Variants in DTNA observed in about 807,000 individuals in gnomAD.
The protein encoded by DTNA is dystrobrevin alpha, also known as dystrophin-related protein 3.
In DTNA, 43 loss-of-function variants were observed where a neutral mutation model predicts 100.7. That is an observed-to-expected ratio of 0.43 (90% CI 0.33 to 0.55). The LOEUF (loss-of-function observed/expected upper bound fraction) is 0.55. Among genes scored for constraint, DTNA ranks in the 20% least tolerant of loss-of-function variants. DTNA has a pLI of 0.04. For missense variants in DTNA, 798 were observed against 953.9 expected (o/e 0.84, Z 2.15); for synonymous variants, 349 against 347.9 (o/e 1.00, Z -0.04).
At chr18:34,835,953 G>C (rs1245910572) in intron 11 of DTNA, among the ~76,000 whole-genome samples, 2 of 152,218 alleles carry the variant, frequency 1.3e-5, no homozygotes, top group Non-Finnish European at 2.9e-5. Flanking sequence ...AGATACTTTA[G>C]TTTGGAGGGA....
chr18:34,779,081 C>A (rs1429088335), intron 3 of DTNA, among the ~76,000 whole-genome samples: 1 of 152,076 alleles, frequency 6.6e-6, no homozygotes, highest in Non-Finnish European at 1.5e-5. Flanking sequence ...GATCACCCTC[C>A]ATGTGCCAGG....
In DTNA at chr18:34,666,856, G is replaced by A. The variant is rs534276649; in HGVS notation, c.-1-89120G>A. Among the ~76,000 whole-genome samples, 3 of 152,280 alleles carry A rather than the reference G, an allele frequency of 2.0e-5. No individual in the cohort carries two copies. The South Asian group carries it at 6.2e-4, about 32-fold the overall frequency. ...GGTATAGTGTGAAGTCAGGTAGTGT[G>A]ATGCCTCCAGCTTTGTTCTTTTGGC... On this transcript the variant is annotated intron_variant, in intron 1 of 19. Coordinates refer to the DTNA transcript ENST00000283365.
chr18:34,820,761 T>G (rs1281899544), intron 8 of DTNA, 30 bp from the exon 9 acceptor site: 1 of 1,613,922 alleles, frequency 6.2e-7, no homozygotes, highest in Non-Finnish European at 8.5e-7. Context: ...TATTAGCTGT[T>G]GTCACTTCTG....
At chr18:34,829,187 C>T (rs1386694978) in intron 10 of DTNA, 1 of 1,597,946 alleles carries the variant, frequency 6.3e-7, no homozygotes, top group African/African-American at 1.3e-5. Context: ...CCCTTTTTTC[C>T]CATTTTCAGT....
intron 1 of DTNA, among the ~76,000 whole-genome samples, chr18:34,626,121 G>C (rs904997614): frequency 6.6e-6 from 1 of 152,132 alleles, no homozygotes; most frequent in Admixed American, 6.6e-5. Context: ...TTTATATAAA[G>C]TTCCTCTAAA....
At chr18:34,673,506 G>A (rs986259213) in intron 1 of DTNA, among the ~76,000 whole-genome samples, 4 of 143,600 alleles carry the variant, frequency 2.8e-5, no homozygotes, top group Non-Finnish European at 4.5e-5. Flanking sequence ...AGAAAGATAC[G>A]CAGAGCCAGT....
At chr18:34,849,510 A>G (rs2096443261) in intron 14 of DTNA, among the ~76,000 whole-genome samples, 1 of 152,150 alleles carries the variant, frequency 6.6e-6, no homozygotes, top group African/African-American at 2.4e-5. Flanking sequence ...AGGTGTAAAT[A>G]TGCTTATTAT....
intron 3 of DTNA, among the ~76,000 whole-genome samples, chr18:34,784,073 T>A (rs2094430846): frequency 6.6e-6 from 1 of 152,108 alleles, no homozygotes; most frequent in Non-Finnish European, 1.5e-5. Flanking sequence ...TACCTAGGGA[T>A]GCCCTGGCCA....
chr18:34,839,998 TTGAG>T (rs1343126379), intron 13 of DTNA, among the ~76,000 whole-genome samples: 1 of 152,182 alleles, frequency 6.6e-6, no homozygotes, highest in African/African-American at 2.4e-5. Flanking sequence ...TCCTCCTCAC[TTGAG>T]TATTTTCAAA....
chr18:34,651,134 T>C (rs1038390261), intron 1 of DTNA, among the ~76,000 whole-genome samples: 13 of 152,178 alleles, frequency 8.5e-5, no homozygotes, highest in African/African-American at 1.4e-4. Context: ...CTCCCTATTC[T>C]CCTTAGACAC....
intron 1 of DTNA, among the ~76,000 whole-genome samples, chr18:34,520,634 A>G (rs1278083213): frequency 6.6e-6 from 1 of 152,130 alleles, no homozygotes. Flanking sequence ...AGCCTGGGCA[A>G]CAAGAGCAAA....
intron 10 of DTNA, among the ~76,000 whole-genome samples, chr18:34,828,602 A>AT (rs931051095): frequency 1.1e-4 from 17 of 151,992 alleles, no homozygotes; most frequent in Non-Finnish European, 1.3e-4. Flanking sequence ...AACACAGCTG[A>AT]TTTTTTTTCC....
intron 1 of DTNA, chr18:34,493,644 C>T (rs2038786060): frequency 6.7e-6 from 1 of 150,180 alleles, no homozygotes; most frequent in East Asian, 2.0e-4. Flanking sequence ...CCGCCCGGTG[C>T]AGAGGAGCCC....
rs566809921 is a variant in DTNA at position 34,704,108 on chromosome 18, C to T, written c.-1-51868C>T. On this transcript the variant is annotated intron_variant, in intron 1 of 19. Transcript: ENST00000283365. Reference sequence around the variant, plus strand: ...TTATCATAATGTCATCAATAATTAACTTTGTGTGTCTACAGGGTACATGAC... The same window carrying T: ...TTATCATAATGTCATCAATAATTAATTTTGTGTGTCTACAGGGTACATGAC... 7.9e-5 allele frequency among the ~76,000 whole-genome samples: 12 copies of T among 152,264 alleles called. No homozygotes were observed. In the East Asian group the frequency reaches 2.3e-3, roughly 29 times the overall value.
At chr18:34,610,210 C>G (rs1233392271) in intron 1 of DTNA, among the ~76,000 whole-genome samples, 1 of 152,190 alleles carries the variant, frequency 6.6e-6, no homozygotes, top group Admixed American at 6.5e-5. Context: ...GGCCACTAGT[C>G]AAGTACGTGA....
chr18:34,833,173 A>G (rs1210323245), intron 11 of DTNA, among the ~76,000 whole-genome samples: 1 of 152,196 alleles, frequency 6.6e-6, no homozygotes, highest in Non-Finnish European at 1.5e-5. Context: ...ATCTTTGTCA[A>G]GGGCTAATAT....
intron 13 of DTNA, among the ~76,000 whole-genome samples, chr18:34,842,371 A>T (rs943364038): frequency 1.3e-5 from 2 of 152,186 alleles, no homozygotes; most frequent in African/African-American, 4.8e-5. Flanking sequence ...CTTTGGGAAA[A>T]AAGACATCTA....
intron 1 of DTNA, among the ~76,000 whole-genome samples, chr18:34,639,046 G>T (rs999257962): frequency 6.6e-6 from 1 of 152,100 alleles, no homozygotes; most frequent in Admixed American, 6.5e-5. Context: ...TCTTCCTGTT[G>T]GTCAGGCTGG....
intron 1 of DTNA, among the ~76,000 whole-genome samples, chr18:34,675,973 TAGAG>T (rs1350112305): frequency 6.6e-6 from 1 of 152,042 alleles, no homozygotes; most frequent in Non-Finnish European, 1.5e-5. Flanking sequence ...AAATAAACAA[TAGAG>T]AGTGAGTACA....
Sources: allele counts gnomAD v4.1 joint callset (sites outside exome capture counted in the v4.1 genomes callset), GRCh38; gene constraint gnomAD v4.1.1; transcripts MANE v1.5; gene names NCBI Gene and HGNC (gene_info 2026-07-23, HGNC 2026-07-21).